Variants in CSMD1 observed in about 807,000 individuals in gnomAD.
The protein encoded by CSMD1 is CUB and sushi domain-containing protein 1.
In CSMD1, 213 loss-of-function variants were observed where a neutral mutation model predicts 417.5. That is an observed-to-expected ratio of 0.51 (90% CI 0.46 to 0.57). CSMD1 has a LOEUF of 0.57. Ranked by LOEUF, CSMD1 falls within the 20% of genes least tolerant of loss-of-function variation. The probability of loss-of-function intolerance (pLI) is 0.00; values close to 1 mark genes in which losing one functional copy is unlikely to be tolerated. For missense variants in CSMD1, 6,923 were observed against 4,529.7 expected (o/e 1.53, Z -15.17); for synonymous variants, 2,862 against 1,736.8 (o/e 1.65, Z -16.11).
chr8:4,375,113 C>T (rs1435808747), intron 3 of CSMD1, among the ~76,000 whole-genome samples: 1 of 151,830 alleles, frequency 6.6e-6, no homozygotes, highest in African/African-American at 2.4e-5. Context: ...ACCTGAAGAA[C>T]GAAGTCAAAA....
chr8:4,685,495 G>A (rs980752884), intron 1 of CSMD1, among the ~76,000 whole-genome samples: 7 of 151,998 alleles, frequency 4.6e-5, no homozygotes, highest in African/African-American at 1.7e-4. Flanking sequence ...GAATCGCTTA[G>A]AACTCAGGAG....
intron 2 of CSMD1, among the ~76,000 whole-genome samples, chr8:4,499,377 G>C (rs918339122): frequency 1.3e-5 from 2 of 152,172 alleles, no homozygotes; most frequent in African/African-American, 4.8e-5. Flanking sequence ...AAGCAGGCAA[G>C]TCTGCAGAGA....
chr8:3,961,014 G>T (rs542275820), intron 5 of CSMD1, among the ~76,000 whole-genome samples: 3 of 151,794 alleles, frequency 2.0e-5, no homozygotes, highest in African/African-American at 4.8e-5. Flanking sequence ...ATTATAAATT[G>T]TACAATTCCC....
At chr8:3,685,992 A>G (rs575371422) in intron 7 of CSMD1, among the ~76,000 whole-genome samples, 2 of 152,172 alleles carry the variant, frequency 1.3e-5, no homozygotes, top group South Asian at 4.1e-4. Context: ...CAAATAAAAT[A>G]TATTATTCTT....
chr8:3,854,416 T>G (rs145995178), intron 5 of CSMD1, among the ~76,000 whole-genome samples: 3 of 152,268 alleles, frequency 2.0e-5, no homozygotes, highest in African/African-American at 7.2e-5. Context: ...GACTTTTTAA[T>G]GCTACTGTTT....
chr8:4,090,236 G>T (rs866347813), intron 3 of CSMD1, among the ~76,000 whole-genome samples: 1 of 152,138 alleles, frequency 6.6e-6, no homozygotes. Context: ...TTGTTTTTGA[G>T]AAGTTATCAC....
chr8:2,968,303 T>G (rs2128930173), intron 57 of CSMD1, among the ~76,000 whole-genome samples: 1 of 152,368 alleles, frequency 6.6e-6, no homozygotes, highest in African/African-American at 2.4e-5. Context: ...CAATTCATAG[T>G]TTAACAAACC....
rs1816318308 is a variant in CSMD1, at chr8:3,108,804, T to C, written c.6609-56A>G. 6 of 1,525,660 alleles carry C rather than the reference T, an allele frequency of 3.9e-6. No homozygotes were observed. In the South Asian group the frequency reaches 6.1e-5, roughly 16 times the overall value. 94.5% of individuals were successfully genotyped at this position (1,525,660 alleles called of 1,614,324 possible). The stretch of plus-strand genomic sequence containing the variant: ...AGGATATTTACTTCTGAGTGAGATT[T>C]ATGGAAACTTTGGCTAATGAATTAA... On this transcript the variant is annotated intron_variant, in intron 43 of 69. Transcript: ENST00000635120.
chr8:4,227,810 C>T (rs987510453), intron 3 of CSMD1, among the ~76,000 whole-genome samples: 1 of 150,716 alleles, frequency 6.6e-6, no homozygotes, highest in Non-Finnish European at 1.5e-5. Flanking sequence ...CAGTCAACCC[C>T]ACACCAGGAG....
chr8:4,024,632 G>A (rs141022933), intron 4 of CSMD1, among the ~76,000 whole-genome samples: 16 of 152,232 alleles, frequency 1.1e-4, no homozygotes, highest in African/African-American at 3.9e-4. Context: ...GTACAAGCAG[G>A]ATCTTGCATT....
At chr8:2,940,665 AAAGTT>A (rs1801806947) in intron 69 of CSMD1, among the ~76,000 whole-genome samples, 1 of 152,206 alleles carries the variant, frequency 6.6e-6, no homozygotes, top group African/African-American at 2.4e-5. Context: ...ACATTGCCTT[AAAGTT>A]AAGATATAAT....
At chr8:3,678,091 C>T (rs1450781910) in intron 7 of CSMD1, among the ~76,000 whole-genome samples, 3 of 152,136 alleles carry the variant, frequency 2.0e-5, no homozygotes, top group Admixed American at 2.0e-4. Context: ...CTCCAGTCTA[C>T]AGCTCCCAGA....
intron 3 of CSMD1, among the ~76,000 whole-genome samples, chr8:4,085,841 C>T (rs1397139619): frequency 1.3e-5 from 2 of 152,074 alleles, no homozygotes; most frequent in Non-Finnish European, 2.9e-5. Context: ...AGTTCTGTGT[C>T]CCCAGAGTTT....
chr8:4,478,788 A>G (rs1283193067), intron 2 of CSMD1, among the ~76,000 whole-genome samples: 1 of 152,232 alleles, frequency 6.6e-6, no homozygotes, highest in Non-Finnish European at 1.5e-5. Context: ...ATGGCATTCA[A>G]AATATTTAAA....
chr8:4,308,848 T>A (rs1218159352), intron 3 of CSMD1, among the ~76,000 whole-genome samples: 1 of 152,178 alleles, frequency 6.6e-6, no homozygotes, highest in Non-Finnish European at 1.5e-5. Flanking sequence ...ACACCCCATA[T>A]CAAAGGCATG....
At chr8:4,395,023 G>C (rs1347184145) in intron 3 of CSMD1, among the ~76,000 whole-genome samples, 1 of 152,148 alleles carries the variant, frequency 6.6e-6, no homozygotes, top group Non-Finnish European at 1.5e-5. Context: ...CTTTCCCTCT[G>C]CGTGGCATAT....
Position 3,092,977 on chromosome 8 carries a change from T to A in CSMD1, c.7139-1315A>T, listed in dbSNP as rs141715628. ...GTTGTTATACCTAAAATTTTATTTG[T>A]GCAAAGATACTGAGAAACCATACTC... is the stretch of plus-strand genomic sequence containing the variant. On this transcript the variant is annotated intron_variant, in intron 47 of 69. Transcript: ENST00000635120. Among the ~76,000 whole-genome samples the A allele has an allele frequency of 2.6e-3, 402 of 152,308 alleles. 1 individual carries two copies. Among genetic ancestry groups the A allele is most frequent in the Non-Finnish European group, 4.7e-3 (317 of 68,024 alleles).
chr8:3,463,583 C>T (rs1299907220), intron 12 of CSMD1, among the ~76,000 whole-genome samples: 1 of 152,170 alleles, frequency 6.6e-6, no homozygotes, highest in Non-Finnish European at 1.5e-5. Flanking sequence ...CTCACAAGGA[C>T]AGGGGCATGA....
intron 10 of CSMD1, among the ~76,000 whole-genome samples, chr8:3,541,418 C>T (rs10102179): frequency 0.039 from 5,987 of 152,044 alleles, 343 homozygotes; most frequent in African/African-American, 0.12. Context: ...ATAGCTAATA[C>T]GTGTGGGGCT....
Sources: allele counts gnomAD v4.1 joint callset (sites outside exome capture counted in the v4.1 genomes callset), GRCh38; gene constraint gnomAD v4.1.1; transcripts MANE v1.5; gene names NCBI Gene and HGNC (gene_info 2026-07-23, HGNC 2026-07-21).